CDKN2AIP: variants seen among roughly 807,000 people sequenced by gnomAD.
CDKN2AIP encodes CDKN2A-interacting protein.
Under a neutral mutation model 44.1 loss-of-function variants are expected in CDKN2AIP, and 12 were observed. The observed-to-expected ratio is 0.27, with a 90% CI of 0.17 to 0.44. The LOEUF (loss-of-function observed/expected upper bound fraction) is 0.44, where lower values mean the gene tolerates loss of function less well. Ranked by LOEUF, CDKN2AIP falls within the 20% of genes least tolerant of loss-of-function variation. The probability of loss-of-function intolerance (pLI) is 1.00; values close to 1 mark genes in which losing one functional copy is unlikely to be tolerated. For synonymous variants in CDKN2AIP, 291 were observed against 272.1 expected (o/e 1.07, Z -0.68); for missense variants, 705 against 681.6 (o/e 1.03, Z -0.38).
rs886599656 is a variant in CDKN2AIP at position 183,447,677 on chromosome 4, A to G, written c.*250A>G. On this transcript the variant is annotated 3_prime_UTR_variant, in exon 3 of 3. Coordinates refer to ENST00000504169, the MANE Select transcript of CDKN2AIP (RefSeq NM_017632.4). ...TTTGCTGAAGAAAATACTGTCTTCTATTTTTAATGATACATTAGGTACGAT... is the reference window on the plus strand; with the variant it reads ...TTTGCTGAAGAAAATACTGTCTTCTGTTTTTAATGATACATTAGGTACGAT... 3.4e-5 allele frequency: 10 copies of G among 294,676 alleles called. No individual in the cohort carries two copies. Among genetic ancestry groups the G allele is most frequent in the Admixed American group, 9.3e-5 (2 of 21,552 alleles). 18.3% of individuals were successfully genotyped at this position (294,676 alleles called of 1,614,324 possible). A position where few individuals can be genotyped will look rare whatever the true frequency, so the allele number is the denominator to read the frequency against.
chr4:183,447,746 T>G lies in CDKN2AIP; in HGVS notation c.*319T>G, dbSNP rs1211223517. ...CTAAAATTTTTGTACTACTTTCAATTTGGTGAAAATGTATTAAGTTGTCTA... is the reference window on the plus strand; with the variant it reads ...CTAAAATTTTTGTACTACTTTCAATGTGGTGAAAATGTATTAAGTTGTCTA... On this transcript the variant is annotated 3_prime_UTR_variant, in exon 3 of 3. Coordinates refer to ENST00000504169, the MANE Select transcript of CDKN2AIP (RefSeq NM_017632.4). The G allele has an allele frequency of 5.4e-5, 10 of 183,584 alleles. No individual in the cohort carries two copies. Among genetic ancestry groups the G allele is most frequent in the Admixed American group, 3.6e-4 (6 of 16,868 alleles). The allele number at this position is 183,584 out of a possible 1,614,324, so 11.4% of individuals were successfully genotyped here. A position where few individuals can be genotyped will look rare whatever the true frequency, so the allele number is the denominator to read the frequency against.
intron 2 of CDKN2AIP, chr4:183,445,884 T>A (rs1368478840): frequency 1.6e-6 from 1 of 637,754 alleles, no homozygotes; most frequent in Non-Finnish European, 2.7e-6. Context: ...TCCACTGTTG[T>A]CTGATGCTGT....
chr4:183,446,322 A>T lies in CDKN2AIP; in HGVS notation c.638A>T (p.Gln213Leu), dbSNP rs139205806. Residue 213 changes from glutamine (Q) to leucine (L), a missense_variant, in exon 3 of 3, where the codon CAA (glutamine) becomes CTA (leucine). Physicochemically the swap from Gln to Leu is moderately radical, Grantham distance 113. Coordinates refer to ENST00000504169, the MANE Select transcript of CDKN2AIP (RefSeq NM_017632.4). ...GATGGAGATCGATCTGTTTCCAGCC[A>T]AAGCAGCAGCAGCGTTTCCTCTCAG... ...TSDGDRSVSS[Q>L]SSSSVSSQVT... The T allele has an allele frequency of 1.3e-5, 21 of 1,614,114 alleles. No individual in the cohort carries two copies. In the Admixed American group the frequency reaches 1.3e-4, roughly 10 times the overall value.
At chr4:183,445,190 C>A (rs1041195763) in intron 1 of CDKN2AIP, 121 bp downstream of exon 1, 41 of 1,276,090 alleles carry the variant, frequency 3.2e-5, no homozygotes, top group Non-Finnish European at 3.5e-5. Context: ...GCGCGGGAAT[C>A]CGCCGGCCCG....
rs774924031 is a variant in CDKN2AIP at position 183,445,574 on chromosome 4, T to A, written c.312T>A (p.Ala104=). The A allele has an allele frequency of 1.2e-6, 2 of 1,610,716 alleles. No individual in the cohort carries two copies. Among genetic ancestry groups the A allele is most frequent in the Non-Finnish European group, 8.5e-7 (1 of 1,176,856 alleles). Residue 104 remains alanine (A), a synonymous_variant, in exon 2 of 3, where the codon GCT becomes GCA. Transcript: ENST00000504169. ...TTATGGATAAAATACTTAGTATGGC[T>A]GAAGGCATCAAAGTGACAGATGCTC... The part of the protein sequence containing the change: ...QKVMDKILSM[A]EGIKVTDAPT...
rs768213975 is a variant in CDKN2AIP at position 183,447,155 on chromosome 4, C to T, written c.1471C>T (p.Leu491=). 2.5e-6 allele frequency: 4 copies of T among 1,614,138 alleles called. No homozygotes were observed. In the Admixed American group the frequency reaches 6.7e-5, roughly 27 times the overall value. The change falls in exon 3 of 3, where the codon CTG becomes TTG. Residue 491 remains leucine, a synonymous_variant. Coordinates refer to ENST00000504169, the MANE Select transcript of CDKN2AIP (RefSeq NM_017632.4). ...FFVPLKELAD[L]PQNKSSQESI... ...TGTCCCACTAAAAGAATTGGCAGAT[C>T]TGCCTCAAAATAAGAGCTCTCAAGA...
chr4:183,446,721 C>G lies in CDKN2AIP; in HGVS notation c.1037C>G (p.Thr346Ser), dbSNP rs1327920836. 11 of 1,614,174 alleles carry G rather than the reference C, an allele frequency of 6.8e-6. No individual in the cohort carries two copies. The highest frequency in any genetic ancestry group is 9.3e-6 in the Non-Finnish European group (11 of 1,179,986). The change falls in exon 3 of 3, where the codon ACT becomes AGT. Residue 346 changes from threonine (T) to serine (S), a missense_variant. Physicochemically the swap from Thr to Ser is moderately conservative, Grantham distance 58 (BLOSUM62 1). Transcript: ENST00000504169. ...TCCTCATCAGGCACATCCTTACTGA[C>G]TCCCAAGAGCAGCTCTTCAACAAAT... ...NSSSSGTSLL[T>S]PKSSSSTNTS...
intron 1 of CDKN2AIP, 155 bp from the exon 2 acceptor site, chr4:183,445,380 G>A: frequency 1.5e-6 from 1 of 657,456 alleles, no homozygotes; most frequent in South Asian, 1.9e-5. Context: ...CCCAGACCCT[G>A]GGGCACTTGT....
At position 183,446,884 on chromosome 4, in the gene CDKN2AIP, T is replaced by C; in HGVS notation, c.1200T>C (p.Ser400=). The C allele has an allele frequency of 6.2e-7, 1 of 1,614,024 alleles. No individual in the cohort carries two copies. Among genetic ancestry groups the C allele is most frequent in the East Asian group, 2.2e-5 (1 of 44,890 alleles). Residue 400 remains serine (S), a synonymous_variant, in exon 3 of 3, where the codon AGT becomes AGC. Coordinates refer to ENST00000504169, the MANE Select transcript of CDKN2AIP (RefSeq NM_017632.4). ...LASVSQLASK[S]SSQTSTSQLP... ...GTGTGTCCCAGTTGGCTTCTAAGAG[T>C]AGTTCTCAGACTAGCACCTCACAGT...
rs774290649 is a variant in CDKN2AIP, at chr4:183,447,392, C to A, written c.1708C>A (p.Pro570Thr). 2.6e-6 allele frequency: 4 copies of A among 1,548,018 alleles called. No homozygotes were observed. The highest frequency in any genetic ancestry group is 3.5e-6 in the Non-Finnish European group (4 of 1,152,082). Residue 570 changes from proline to threonine, a missense_variant, in exon 3 of 3, where the codon CCT (proline) becomes ACT (threonine). By Grantham distance (38) the Pro-to-Thr change is conservative. This residue lies in a region of CDKN2AIP where 113 missense variants were observed against 163.6 expected (regional missense o/e 0.69). Transcript: ENST00000504169. ...TGAAGAATCGAGGCCTGTAAACTTA[C>A]CTCCAGCACTAAAACATCCTCAAGA... ...LDEESRPVNL[P>T]PALKHPQELL
rs921136302 is a variant in CDKN2AIP, at chr4:183,446,904, C to T, written c.1220C>T (p.Ser407Leu). The T allele has an allele frequency of 6.8e-6, 11 of 1,614,166 alleles. No homozygotes were observed. The highest frequency in any genetic ancestry group is 9.3e-6 in the Non-Finnish European group (11 of 1,179,998). ...AAGAGTAGTTCTCAGACTAGCACCT[C>T]ACAGTTGCCTTCTAAAAGTACTTCA... Reference protein sequence around the residue: ...ASKSSSQTSTSQLPSKSTSQS... With the variant: ...ASKSSSQTSTLQLPSKSTSQS... The change falls in exon 3 of 3, where the codon TCA becomes TTA. Residue 407 changes from serine to leucine, a missense_variant. Physicochemically the swap from Ser to Leu is moderately radical, Grantham distance 145 (BLOSUM62 -2). Transcript: ENST00000504169.
At position 183,446,091 on chromosome 4, in the gene CDKN2AIP, G is replaced by A. The variant is rs1733659526; in HGVS notation, c.407G>A (p.Gly136Glu). The change falls in exon 3 of 3, where the codon GGG becomes GAG. Residue 136 changes from glycine to glutamate, a missense_variant. Physicochemically the swap from Gly to Glu is moderately conservative, Grantham distance 98. This residue lies in a region of CDKN2AIP where 592 missense variants were observed against 518.0 expected (regional missense o/e 1.14). Transcript: ENST00000504169. ...KKRGISSSNEGVEEPSKKRVI... is the reference protein window; with the variant it reads ...KKRGISSSNEEVEEPSKKRVI... ...TCTATGTTTTTCTTCTTTTTAGAAG[G>A]GGTAGAAGAGCCATCCAAAAAACGA... 7 of 1,604,120 alleles carry A rather than the reference G, an allele frequency of 4.4e-6. No individual in the cohort carries two copies. Among genetic ancestry groups the A allele is most frequent in the Non-Finnish European group, 5.1e-6 (6 of 1,175,420 alleles).
chr4:183,445,104 G>A (rs770344802), intron 1 of CDKN2AIP, 35 bp downstream of exon 1: 1 of 1,543,636 alleles, frequency 6.5e-7, no homozygotes, highest in East Asian at 2.3e-5. Flanking sequence ...AGCACGCCTC[G>A]TTTTGTGTGC....
At position 183,446,783 on chromosome 4, in the gene CDKN2AIP, G is replaced by T. The variant is rs1486611560; in HGVS notation, c.1099G>T (p.Ala367Ser). The part of the protein sequence containing the change: ...LLTSKSTSQV[A>S]ASLLASKSSS... ...AACTTCCAAGAGCACTTCCCAGGTAGCTGCATCACTACTAGCTTCCAAGAG... is the reference window on the plus strand; with the variant it reads ...AACTTCCAAGAGCACTTCCCAGGTATCTGCATCACTACTAGCTTCCAAGAG... Residue 367 changes from alanine (A) to serine (S), a missense_variant, in exon 3 of 3, where the codon GCT becomes TCT. This residue lies in a region of CDKN2AIP where 592 missense variants were observed against 518.0 expected (regional missense o/e 1.14). Transcript: ENST00000504169. The T allele has an allele frequency of 3.1e-6, 5 of 1,614,150 alleles. No individual in the cohort carries two copies. The highest frequency in any genetic ancestry group is 3.4e-6 in the Non-Finnish European group (4 of 1,180,020).
At position 183,446,711 on chromosome 4, in the gene CDKN2AIP, T is replaced by C; in HGVS notation, c.1027T>C (p.Ser343Pro). 5 of 1,614,196 alleles carry C rather than the reference T, an allele frequency of 3.1e-6. No homozygotes were observed. The highest frequency in any genetic ancestry group is 4.2e-6 in the Non-Finnish European group (5 of 1,180,024). ...TAAAAACAGTTCCTCATCAGGCACA[T>C]CCTTACTGACTCCCAAGAGCAGCTC... ...VAKNSSSSGT[S>P]LLTPKSSSST... The change falls in exon 3 of 3, where the codon TCC becomes CCC. Residue 343 changes from serine to proline, a missense_variant. Coordinates refer to ENST00000504169, the MANE Select transcript of CDKN2AIP (RefSeq NM_017632.4).
rs1357114117 is a variant in CDKN2AIP at position 183,446,466 on chromosome 4, A to T, written c.782A>T (p.Asp261Val). 11 of 1,613,766 alleles carry T rather than the reference A, an allele frequency of 6.8e-6. No homozygotes were observed. The highest frequency in any genetic ancestry group is 9.3e-6 in the Non-Finnish European group (11 of 1,179,740). Residue 261 changes from aspartate (D) to valine (V), a missense_variant, in exon 3 of 3, where the codon GAT (aspartate) becomes GTT (valine). Transcript: ENST00000504169. Reference protein sequence around the residue: ...SVNSHMTQSTDSRQQSGSPKK... With the variant: ...SVNSHMTQSTVSRQQSGSPKK... ...AATAGTCACATGACCCAATCCACTG[A>T]TTCTAGACAACAAAGTGGATCACCT...
Position 183,448,860 on chromosome 4 carries a change from T to C in CDKN2AIP, c.*1433T>C, listed in dbSNP as rs973711514. On this transcript the variant is annotated 3_prime_UTR_variant, in exon 3 of 3. Coordinates refer to ENST00000504169, the MANE Select transcript of CDKN2AIP (RefSeq NM_017632.4). ...TTTAAAAATGATTCATTTTTGAGGA[T>C]ATTTAATTGGATACCAAAGCTAAAA... Among the ~76,000 whole-genome samples the C allele has an allele frequency of 3.5e-4, 53 of 152,326 alleles. 1 individual carries two copies. Among genetic ancestry groups the C allele is most frequent in the African/African-American group, 1.1e-3 (47 of 41,582 alleles).
chr4:183,446,513 T>C lies in CDKN2AIP; in HGVS notation c.829T>C (p.Ser277Pro), dbSNP rs764720312. 2 of 1,613,846 alleles carry C rather than the reference T, an allele frequency of 1.2e-6. No homozygotes were observed. Among genetic ancestry groups the C allele is most frequent in the Admixed American group, 3.3e-5 (2 of 60,030 alleles). Residue 277 changes from serine to proline, a missense_variant, in exon 3 of 3, where the codon TCT becomes CCT. Ser to Pro is a moderately conservative substitution (Grantham distance 74). This residue lies in a region of CDKN2AIP where 592 missense variants were observed against 518.0 expected (regional missense o/e 1.14). Coordinates refer to ENST00000504169, the MANE Select transcript of CDKN2AIP (RefSeq NM_017632.4). Reference sequence around the variant, plus strand: ...ACCTAAAAAGAGTGCTTTGGAAGGCTCTTCAGCCTCAGCTTCTCAAAGCAG... The same window carrying C: ...ACCTAAAAAGAGTGCTTTGGAAGGCCCTTCAGCCTCAGCTTCTCAAAGCAG... ...GSPKKSALEG[S>P]SASASQSSSE...
Position 183,447,258 on chromosome 4 carries a change from C to T in CDKN2AIP, c.1574C>T (p.Ala525Val), listed in dbSNP as rs1478385185. The T allele has an allele frequency of 1.2e-6, 2 of 1,611,748 alleles. No individual in the cohort carries two copies. Among genetic ancestry groups the T allele is most frequent in the African/African-American group, 1.3e-5 (1 of 74,858 alleles). Residue 525 changes from alanine to valine, a missense_variant, in exon 3 of 3, where the codon GCA becomes GTA. By Grantham distance (64) the Ala-to-Val change is moderately conservative. Coordinates refer to ENST00000504169, the MANE Select transcript of CDKN2AIP (RefSeq NM_017632.4). ...GGAAAAAGCAAAGAAAATGCAAAAG[C>T]AGTTGCATCAAGAGAAGCATTGAAG... ...GCGKSKENAK[A>V]VASREALKLF...
Sources: gnomAD v4.1 joint callset for allele counts (sites outside exome capture counted in the v4.1 genomes callset) on GRCh38, gnomAD v4.1.1 for gene constraint, gnomAD v4.1.1 regional missense constraint, MANE v1.5 for transcripts, NCBI Gene and HGNC (gene_info 2026-07-23, HGNC 2026-07-21) for gene names.